Variants in ZNF331 observed in about 807,000 individuals in gnomAD.
ZNF331 encodes C2H2-like zinc finger protein rearranged in thyroid adenomas.
In ZNF331, 2 loss-of-function variants were observed where a neutral mutation model predicts 7.0. The ratio of observed to expected loss-of-function variants is 0.29; its 90% confidence interval spans 0.12 to 0.90. The LOEUF (loss-of-function observed/expected upper bound fraction) is 0.90, where lower values mean the gene tolerates loss of function less well. Among genes scored for constraint, ZNF331 ranks in the 40% least tolerant of loss-of-function variants. The pLI is 0.58. For missense variants in ZNF331, 432 were observed against 587.7 expected (o/e 0.74, Z 2.74); for synonymous variants, 196 against 205.4 (o/e 0.95, Z 0.39).
Position 53,546,162 on chromosome 19 carries a change from T to TATATATATATATATATATA in ZNF331, c.-138+6880_-138+6881insATATATATATATATATATA, listed in dbSNP as rs1568486289. On this transcript the variant is annotated intron_variant, in intron 2 of 5. Coordinates refer to ENST00000449416, the MANE Select transcript of ZNF331 (RefSeq NM_001079906.2). ...GGGGAAAAAAAAAAAAAAAAAAAAATTATTATTTAGGTTGGTGCAAAAGTA... is the reference window on the plus strand; with the variant it reads ...GGGGAAAAAAAAAAAAAAAAAAAAATATATATATATATATATATATATTATTTAGGTTGGTGCAAAAGTA... 4.9e-3 allele frequency among the ~76,000 whole-genome samples: 482 copies of TATATATATATATATATATA among 97,784 alleles called. 2 individuals carry two copies. Among genetic ancestry groups the TATATATATATATATATATA allele is most frequent in the African/African-American group, 0.014 (459 of 32,416 alleles). 64.2% of individuals were successfully genotyped at this position (97,784 alleles called of 152,430 possible).
chr19:53,570,289 G>T (rs566193598), intron 4 of ZNF331, among the ~76,000 whole-genome samples: 1 of 150,342 alleles, frequency 6.7e-6, no homozygotes, highest in South Asian at 2.1e-4. Context: ...AGGAACGGGG[G>T]AAAGGCAGGG....
At chr19:53,541,254 C>T (rs555174432) in intron 2 of ZNF331, among the ~76,000 whole-genome samples, 189 of 151,798 alleles carry the variant, frequency 1.2e-3, no homozygotes, top group African/African-American at 4.3e-3. Flanking sequence ...TACAGGCATG[C>T]GCCACCACAC....
At chr19:53,564,343 G>A (rs944019722) in intron 3 of ZNF331, among the ~76,000 whole-genome samples, 8 of 151,742 alleles carry the variant, frequency 5.3e-5, no homozygotes, top group African/African-American at 9.7e-5. Flanking sequence ...ACAGTAGTGC[G>A]ATCTCGGCTC....
Position 53,569,286 on chromosome 19 carries a change from CT to C in ZNF331, c.-73-11del. On this transcript the variant is annotated splice_polypyrimidine_tract_variant and intron_variant, in intron 3 of 5. Transcript: ENST00000449416. ...CCCCAGATGCACCTCGTTTTAATCT[CT>C]TTTTTTCCACCCCTAGCTCTAGCCT... is the stretch of plus-strand genomic sequence containing the variant. 7.4e-6 allele frequency: 11 copies of C among 1,484,510 alleles called. No homozygotes were observed. The highest frequency in any genetic ancestry group is 1.4e-5 in the African/African-American group (1 of 71,604). 92.0% of individuals were successfully genotyped at this position (1,484,510 alleles called of 1,614,324 possible).
intron 3 of ZNF331, among the ~76,000 whole-genome samples, chr19:53,565,246 T>A (rs544895580): frequency 6.6e-6 from 1 of 152,336 alleles, no homozygotes; most frequent in South Asian, 2.1e-4. Flanking sequence ...GAAGGGGACA[T>A]CATTCTGTGG....
intron 2 of ZNF331, among the ~76,000 whole-genome samples, chr19:53,553,973 C>T (rs2089187648): frequency 6.6e-6 from 1 of 152,214 alleles, no homozygotes; most frequent in Non-Finnish European, 1.5e-5. Context: ...AGGCCCCTGC[C>T]TGGGACCGGC....
rs368241758 is a variant in ZNF331 at position 53,576,913 on chromosome 19, C to G, written c.353C>G (p.Pro118Arg). 4 of 1,614,018 alleles carry G rather than the reference C, an allele frequency of 2.5e-6. No homozygotes were observed. Among genetic ancestry groups the G allele is most frequent in the Non-Finnish European group, 3.4e-6 (4 of 1,180,020 alleles). The stretch of plus-strand genomic sequence containing the variant: ...AGACCTGCTACTAGAGAAGGCACCC[C>G]TCCTAGAACACATCAGAGACATCAT... Reference protein sequence around the residue: ...VKRPATREGTPPRTHQRHHKE... With the variant: ...VKRPATREGTRPRTHQRHHKE... Residue 118 changes from proline to arginine, a missense_variant, in exon 6 of 6, where the codon CCT (proline) becomes CGT (arginine). This residue lies in a region of ZNF331 where 312 missense variants were observed against 448.6 expected (regional missense o/e 0.70). Transcript: ENST00000449416.
In ZNF331 at chr19:53,579,843, G is replaced by T; in HGVS notation, c.*1891G>T. ...GAAACAGGACTGGAAGAAGATGTTT[G>T]CTCTAAGGTACACCTGACAAAGGAA... On this transcript the variant is annotated 3_prime_UTR_variant, in exon 6 of 6. Coordinates refer to ENST00000449416, the MANE Select transcript of ZNF331 (RefSeq NM_001079906.2). 1 of 200,330 alleles carries T rather than the reference G, an allele frequency of 5.0e-6. No homozygotes were observed. Among genetic ancestry groups the T allele is most frequent in the Non-Finnish European group, 1.0e-5 (1 of 97,354 alleles). 12.4% of individuals were successfully genotyped at this position (200,330 alleles called of 1,614,324 possible). A position where few individuals can be genotyped will look rare whatever the true frequency, so the allele number is the denominator to read the frequency against.
At chr19:53,570,358 C>A (rs1221139340) in intron 4 of ZNF331, among the ~76,000 whole-genome samples, 3 of 151,898 alleles carry the variant, frequency 2.0e-5, no homozygotes, top group African/African-American at 7.3e-5. Context: ...TGATCACATA[C>A]CCCAGAATCG....
intron 2 of ZNF331, among the ~76,000 whole-genome samples, chr19:53,526,669 C>T (rs1381215536): frequency 6.6e-6 from 1 of 151,792 alleles, no homozygotes; most frequent in East Asian, 2.0e-4. Flanking sequence ...TCTCCTGCCT[C>T]AGCTTCCCGA....
At chr19:53,557,169 G>A (rs1461650821) in intron 3 of ZNF331, among the ~76,000 whole-genome samples, 1 of 151,664 alleles carries the variant, frequency 6.6e-6, no homozygotes, top group Non-Finnish European at 1.5e-5. Flanking sequence ...TGTTGCCCAG[G>A]CTGGTATCAA....
chr19:53,559,053 A>T (rs2089629377), intron 3 of ZNF331, among the ~76,000 whole-genome samples: 1 of 151,452 alleles, frequency 6.6e-6, no homozygotes, highest in South Asian at 2.1e-4. Context: ...CACCATACAT[A>T]TACAAACACA....
chr19:53,506,887 G>A, the ZNF331 span, among the ~76,000 whole-genome samples: 1 of 152,128 alleles, frequency 6.6e-6, no homozygotes, highest in African/African-American at 2.4e-5. Flanking sequence ...GCCACCCGTT[G>A]GGGGCGAGTC....
At chr19:53,564,850 G>A (rs932722827) in intron 3 of ZNF331, among the ~76,000 whole-genome samples, 1 of 152,114 alleles carries the variant, frequency 6.6e-6, no homozygotes, top group African/African-American at 2.4e-5. Context: ...CATAAATCAG[G>A]TCAAGGGTAC....
At chr19:53,549,926 T>G (rs1438894477) in intron 2 of ZNF331, among the ~76,000 whole-genome samples, 1 of 152,308 alleles carries the variant, frequency 6.6e-6, no homozygotes, top group East Asian at 1.9e-4. Context: ...TTCTTTAAGA[T>G]TTGAGGATGT....
intron 2 of ZNF331, among the ~76,000 whole-genome samples, chr19:53,548,265 G>T (rs567858913): frequency 6.6e-6 from 1 of 151,892 alleles, no homozygotes; most frequent in Non-Finnish European, 1.5e-5. Flanking sequence ...GTGCCACCAC[G>T]CCCGGCTAAT....
At position 53,573,884 on chromosome 19, in the gene ZNF331, G is replaced by A. The variant is rs931434997; in HGVS notation, c.136+2154G>A. ...TCCCAGCACTTTGGGAGTCCAAGGC[G>A]GGCAGATCACCTGAAGTCAGGACTT... On this transcript the variant is annotated intron_variant, in intron 5 of 5. Coordinates refer to ENST00000449416, the MANE Select transcript of ZNF331 (RefSeq NM_001079906.2). The surrounding 1 kb of genome is among the most constrained non-coding windows in gnomAD (Gnocchi z 4.2). Among the ~76,000 whole-genome samples, 1 of 152,128 alleles carries A rather than the reference G, an allele frequency of 6.6e-6. No homozygotes were observed. The highest frequency in any genetic ancestry group is 2.1e-4 in the South Asian group (1 of 4,830).
chr19:53,528,780 C>A (rs1031493255), intron 2 of ZNF331, among the ~76,000 whole-genome samples: 15 of 142,194 alleles, frequency 1.1e-4, no homozygotes, highest in Non-Finnish European at 2.1e-4. Context: ...CCTCTACTGT[C>A]AGATATTTCT....
At chr19:53,548,201 C>T (rs1255068178) in intron 2 of ZNF331, among the ~76,000 whole-genome samples, 3 of 151,894 alleles carry the variant, frequency 2.0e-5, no homozygotes, top group Non-Finnish European at 2.9e-5. Context: ...CTCCGCCTCC[C>T]GGGTTCAAGC....
Sources: allele counts gnomAD v4.1 joint callset (sites outside exome capture counted in the v4.1 genomes callset), GRCh38; gene constraint gnomAD v4.1.1; regional missense constraint gnomAD v4.1.1; non-coding constraint Gnocchi (gnomAD v3.1); transcripts MANE v1.5; gene names NCBI Gene and HGNC (gene_info 2026-07-23, HGNC 2026-07-21).